Variants in IL1B observed in about 807,000 individuals in gnomAD.
IL1B encodes interleukin-1 beta.
IL1B carries 11 observed loss-of-function variants against 26.2 expected under a neutral mutation model. The observed-to-expected ratio is 0.42, with a 90% CI of 0.26 to 0.70. The LOEUF (loss-of-function observed/expected upper bound fraction) is 0.70. Among genes scored for constraint, IL1B ranks in the 30% least tolerant of loss-of-function variants. IL1B has a pLI of 0.25. For missense variants in IL1B, 255 were observed against 327.5 expected, an observed-to-expected ratio of 0.78 and a Z score of 1.71; for synonymous variants, 118 against 120.8, an observed-to-expected ratio of 0.98 and a Z score of 0.15.
At chr2:112,833,670 G>T in intron 3 of IL1B, 95 bp from the exon 4 acceptor site, 1 of 1,180,298 alleles carries the variant, frequency 8.5e-7, no homozygotes, top group South Asian at 1.2e-5. Context: ...AGGAGGAAAG[G>T]GCTTGAAAGA....
intron 3 of IL1B, chr2:112,835,175 G>A (rs1682066049): frequency 3.3e-6 from 1 of 307,598 alleles, no homozygotes; most frequent in Admixed American, 4.3e-5. Flanking sequence ...CTACTCAAAA[G>A]GGGTAGACAT....
chr2:112,835,270 T>A (rs1682067775), intron 3 of IL1B: 1 of 479,960 alleles, frequency 2.1e-6, no homozygotes, highest in Non-Finnish European at 3.8e-6. Context: ...AAAAGGATAA[T>A]CAAATTTATG....
At chr2:112,830,802 T>G (rs559475222) in intron 6 of IL1B, among the ~76,000 whole-genome samples, 11 of 146,050 alleles carry the variant, frequency 7.5e-5, no homozygotes, top group African/African-American at 2.7e-4. Context: ...TAGGTGAGAA[T>G]TTTTTTTTTT....
At chr2:112,831,694 C>G (rs945172728) in intron 5 of IL1B, among the ~76,000 whole-genome samples, 1 of 152,100 alleles carries the variant, frequency 6.6e-6, no homozygotes, top group African/African-American at 2.4e-5. Context: ...ATTTTAAATG[C>G]TGAAGGAAGG....
In IL1B at chr2:112,830,813, T is replaced by TG. The variant is rs150932893; in HGVS notation, c.598-241dup. ...AATGTAGGTGAGAATTTTTTTTTTT[T>TG]GGGGGGGTGAAAATTAAGCTAGAGC... On this transcript the variant is annotated intron_variant, in intron 6 of 6. Transcript: ENST00000263341. Among the ~76,000 whole-genome samples, 214 of 151,860 alleles carry TG rather than the reference T, an allele frequency of 1.4e-3. 5 individuals are homozygous for TG. In the East Asian group the frequency reaches 0.037, roughly 27 times the overall value.
chr2:112,836,086 C>A, intron 2 of IL1B, 97 bp downstream of exon 2: 5 of 1,164,470 alleles, frequency 4.3e-6, no homozygotes, highest in East Asian at 2.4e-5. Flanking sequence ...CTGAAAGAGG[C>A]AATTTAGGGG....
chr2:112,833,283 G>A (rs1284516844), intron 4 of IL1B, 91 bp downstream of exon 4: 3 of 1,251,426 alleles, frequency 2.4e-6, no homozygotes, highest in Middle Eastern at 3.7e-4. Context: ...CCTTTAAAGG[G>A]CTTTGGCTCT....
At chr2:112,833,298 G>C in intron 4 of IL1B, 76 bp downstream of exon 4, 1 of 1,396,430 alleles carries the variant, frequency 7.2e-7, no homozygotes, top group Non-Finnish European at 1.0e-6. Flanking sequence ...GGCTCTGGGG[G>C]AATTGAGTTG....
rs2104933500 is a variant in IL1B, at chr2:112,829,893, T to G, written c.*468A>C. Reference sequence around the variant, plus strand: ...ACTTGATTTAAAGAGAGCACACCAGTCCAAATTGAATTGATTCCATAGCTA... The same window carrying G: ...ACTTGATTTAAAGAGAGCACACCAGGCCAAATTGAATTGATTCCATAGCTA... On this transcript the variant is annotated 3_prime_UTR_variant, in exon 7 of 7. Coordinates refer to ENST00000263341, the MANE Select transcript of IL1B (RefSeq NM_000576.3). 1.2e-5 allele frequency: 2 copies of G among 167,742 alleles called. No homozygotes were observed. The highest frequency in any genetic ancestry group is 5.6e-5 in the Admixed American group (1 of 18,016). The allele number at this position is 167,742 out of a possible 1,614,324, so 10.4% of individuals were successfully genotyped here.
intron 1 of IL1B, 185 bp from the exon 2 acceptor site, chr2:112,836,429 T>C (rs534969908): frequency 1.8e-6 from 1 of 568,526 alleles, no homozygotes; most frequent in South Asian, 1.8e-5. Flanking sequence ...CAACTAGCAA[T>C]GTATTGGCTA....
chr2:112,834,735 G>A (rs1682054969), intron 3 of IL1B, among the ~76,000 whole-genome samples: 1 of 152,180 alleles, frequency 6.6e-6, no homozygotes, highest in African/African-American at 2.4e-5. Flanking sequence ...TGAGGCTAGG[G>A]GAGGCTATCA....
intron 3 of IL1B, 38 bp downstream of exon 3, chr2:112,835,528 G>T (rs770258696): frequency 1.2e-5 from 19 of 1,543,134 alleles, no homozygotes; most frequent in Middle Eastern, 3.4e-4. Context: ...CTGTGTTAGA[G>T]CCCTTCCTTG....
At chr2:112,834,786 C>T (rs3917356) in intron 3 of IL1B, among the ~76,000 whole-genome samples, 59,323 of 152,122 alleles carry the variant, frequency 0.39, 12,031 homozygotes, top group East Asian at 0.48. Flanking sequence ...GTGGCTGCCT[C>T]CCAACCTGCA....
intron 4 of IL1B, chr2:112,833,142 C>A: frequency 1.6e-6 from 1 of 610,800 alleles, no homozygotes; most frequent in Non-Finnish European, 2.9e-6. Context: ...AAGTGAAAGG[C>A]CCCTGAGAAA....
At chr2:112,835,144 C>A in intron 3 of IL1B, 1 of 253,992 alleles carries the variant, frequency 3.9e-6, no homozygotes, top group South Asian at 5.0e-5. Context: ...TAAGCTTCAC[C>A]CCAGGTAGCA....
chr2:112,830,328 A>C lies in IL1B; in HGVS notation c.*33T>G, dbSNP rs769939971. On this transcript the variant is annotated 3_prime_UTR_variant, in exon 7 of 7. Transcript: ENST00000263341. ...TGCCAGCCCTAGGGATTGAGTCCAC[A>C]TTCAGCACAGGACTCTCTGGGTACA... 3.8e-6 allele frequency: 6 copies of C among 1,562,120 alleles called. No homozygotes were observed. The highest frequency in any genetic ancestry group is 2.7e-5 in the African/African-American group (2 of 73,920).
At chr2:112,833,129 T>C in intron 4 of IL1B, 1 of 604,990 alleles carries the variant, frequency 1.7e-6, no homozygotes. Context: ...CTGGTGACAA[T>C]GTAAGTGAAA....
At chr2:112,833,231 GTTTCCAGCCTTCTTTGT>G in intron 4 of IL1B, 126 bp downstream of exon 4, 1 of 773,854 alleles carries the variant, frequency 1.3e-6, no homozygotes, top group Non-Finnish European at 2.3e-6. Flanking sequence ...GATTGCTTTG[GTTTCCAGCCTTCTTTGT>G]TTTGTCTCCC....
intron 6 of IL1B, among the ~76,000 whole-genome samples, chr2:112,830,872 T>C (rs1280794136): frequency 6.6e-6 from 1 of 152,070 alleles, no homozygotes; most frequent in African/African-American, 2.4e-5. Context: ...GGGCTTTTTA[T>C]TGTATTTTTC....
Sources: gnomAD v4.1 joint callset for allele counts (sites outside exome capture counted in the v4.1 genomes callset) on GRCh38, gnomAD v4.1.1 for gene constraint, MANE v1.5 for transcripts, NCBI Gene and HGNC (gene_info 2026-07-23, HGNC 2026-07-21) for gene names.